PPP2R2B: variants seen among roughly 807,000 people sequenced by gnomAD.
PPP2R2B encodes serine/threonine-protein phosphatase 2A 55 kDa regulatory subunit B beta isoform.
Under a neutral mutation model 46.0 loss-of-function variants are expected in PPP2R2B, and 5 were observed. That is an observed-to-expected ratio of 0.11 (90% CI 0.06 to 0.23). The LOEUF is 0.23. Among genes scored for constraint, PPP2R2B ranks in the 10% least tolerant of loss-of-function variants. PPP2R2B has a pLI of 1.00. For missense variants in PPP2R2B, 367 were observed against 575.0 expected (o/e 0.64, Z 3.70); for synonymous variants, 215 against 206.7 (o/e 1.04, Z -0.34).
At position 146,627,933 on chromosome 5, in the gene PPP2R2B, C is replaced by T. The variant is rs542779341; in HGVS notation, c.790+10318G>A. Reference sequence around the variant, plus strand: ...CTGTTTCTCCAATGACTACACTGTTCACAGAAACATCTCAGATTTTTTTTT... The same window carrying T: ...CTGTTTCTCCAATGACTACACTGTTTACAGAAACATCTCAGATTTTTTTTT... On this transcript the variant is annotated intron_variant, in intron 7 of 9. Coordinates refer to ENST00000394411, the MANE Select transcript of PPP2R2B (RefSeq NM_181675.4). 1.4e-4 allele frequency among the ~76,000 whole-genome samples: 21 copies of T among 152,108 alleles called. No individual in the cohort carries two copies. The South Asian group carries it at 4.2e-3, about 30-fold the overall frequency.
At chr5:147,054,583 C>T (rs720305) in intron 1 of PPP2R2B, 114,394 of 455,792 alleles carry the variant, frequency 0.25, 17,971 homozygotes, top group African/African-American at 0.54. Context: ...CCTGAAGGTA[C>T]GGATAAAAAA....
At chr5:146,985,105 A>G (rs1294809220) in intron 1 of PPP2R2B, among the ~76,000 whole-genome samples, 2 of 135,498 alleles carry the variant, frequency 1.5e-5, no homozygotes, top group Non-Finnish European at 1.5e-5. Flanking sequence ...ACTGCAACCT[A>G]TGCCTCCCAG....
chr5:146,808,262 A>C (rs938451940), intron 2 of PPP2R2B, among the ~76,000 whole-genome samples: 1 of 152,198 alleles, frequency 6.6e-6, no homozygotes, highest in African/African-American at 2.4e-5. Context: ...TCTTATTTGC[A>C]CTAGATGACA....
At chr5:146,883,826 G>T (rs751966886) in intron 1 of PPP2R2B, among the ~76,000 whole-genome samples, 1 of 152,212 alleles carries the variant, frequency 6.6e-6, no homozygotes. Flanking sequence ...TGCCCTCAAA[G>T]TGTTGTATTA....
Position 146,698,014 on chromosome 5 carries a change from T to G in PPP2R2B, c.299A>C (p.Gln100Pro). The G allele has an allele frequency of 1.2e-6, 2 of 1,613,504 alleles. No individual in the cohort carries two copies. The highest frequency in any genetic ancestry group is 1.7e-6 in the Non-Finnish European group (2 of 1,179,768). The change falls in exon 4 of 10, where the codon CAG becomes CCG. Residue 100 changes from glutamine to proline, a missense_variant. Transcript: ENST00000394411. ...CAGAAGAAAGTAAGCTGCATTCTGC[T>G]GGGGGAGCCATCTTATTTTATTGAT... is the stretch of plus-strand genomic sequence containing the variant. ...EKINKIRWLP[Q>P]QNAAYFLLST...
At chr5:146,622,020 C>T (rs930384998) in intron 7 of PPP2R2B, among the ~76,000 whole-genome samples, 1 of 152,152 alleles carries the variant, frequency 6.6e-6, no homozygotes, top group Non-Finnish European at 1.5e-5. Context: ...GCAGACTCTA[C>T]CAGAAAAATA....
chr5:146,585,259 T>TACACACACACACACACACAC lies in PPP2R2B; in HGVS notation c.*4668_*4687dup, dbSNP rs6149281. 4.6e-5 allele frequency: 6 copies of TACACACACACACACACACAC among 129,954 alleles called. No homozygotes were observed. The highest frequency in any genetic ancestry group is 2.7e-4 in the South Asian group (1 of 3,746). 8.1% of individuals were successfully genotyped at this position (129,954 alleles called of 1,614,324 possible). On this transcript the variant is annotated 3_prime_UTR_variant, in exon 10 of 10. Coordinates refer to ENST00000394411, the MANE Select transcript of PPP2R2B (RefSeq NM_181675.4). ...GATCAGTAACTTCCATCTACATGCA[T>TACACACACACACACACACAC]ACACACACACACACACACACACACA... is the stretch of plus-strand genomic sequence containing the variant.
chr5:147,055,723 G>GT lies in PPP2R2B; in HGVS notation c.20dup (p.Tyr7Ter), dbSNP rs765714590. 6.2e-7 allele frequency: 1 copy of GT among 1,613,312 alleles called. No individual in the cohort carries two copies. The highest frequency in any genetic ancestry group is 1.1e-5 in the South Asian group (1 of 90,992). Residue 7 changes from tyrosine to a stop codon, truncating the protein, a stop_gained and frameshift_variant, in exon 1 of 9, where the codon TAC becomes TAAC. Coordinates refer to the PPP2R2B transcript ENST00000336640. LOFTEE classifies it high-confidence loss of function. ...TCGGAGGTCTGAAGATGTAAGGCAG[G>GT]TAACGAGAGAAGCATTTCATCTTCC...
chr5:146,644,687 T>G (rs187731433), intron 6 of PPP2R2B, among the ~76,000 whole-genome samples: 4 of 152,326 alleles, frequency 2.6e-5, no homozygotes, highest in East Asian at 3.8e-4. Flanking sequence ...GAAAGTCATT[T>G]TATCTCTCTG....
At chr5:146,637,702 C>A (rs966755238) in intron 7 of PPP2R2B, among the ~76,000 whole-genome samples, 3 of 152,214 alleles carry the variant, frequency 2.0e-5, no homozygotes, top group Non-Finnish European at 2.9e-5. Context: ...TAGTCACAAT[C>A]TCTCCAAGAA....
chr5:146,689,691 GACTCAACAATAAT>G (rs1778722288), intron 5 of PPP2R2B, among the ~76,000 whole-genome samples: 1 of 152,190 alleles, frequency 6.6e-6, no homozygotes, highest in African/African-American at 2.4e-5. Flanking sequence ...AGGCTGGACT[GACTCAACAATAAT>G]ACTCTTCACT....
chr5:146,706,629 G>C (rs953968918), intron 2 of PPP2R2B: 2 of 808,882 alleles, frequency 2.5e-6, no homozygotes, highest in Admixed American at 1.8e-5. Flanking sequence ...TGCGATGCCG[G>C]CCTCCAGGGA....
intron 2 of PPP2R2B, among the ~76,000 whole-genome samples, chr5:146,862,238 C>T (rs1282755692): frequency 6.6e-6 from 1 of 152,180 alleles, no homozygotes; most frequent in Non-Finnish European, 1.5e-5. Flanking sequence ...ACTGGCTGCT[C>T]TCCTAACTAC....
chr5:146,614,091 C>T lies in PPP2R2B; in HGVS notation c.791-13631G>A, dbSNP rs1473696295. 5.8e-5 allele frequency among the ~76,000 whole-genome samples: 5 copies of T among 85,740 alleles called. No individual in the cohort carries two copies. In the Admixed American group the frequency reaches 6.3e-4, roughly 11 times the overall value. The allele number at this position is 85,740 out of a possible 152,430, so 56.2% of individuals were successfully genotyped here. A position where few individuals can be genotyped will look rare whatever the true frequency, so the allele number is the denominator to read the frequency against. ...AAGCTGGAGGCATCACACTACCTGA[C>T]TTCAAACTATACTACAAGGCTACAG... On this transcript the variant is annotated intron_variant, in intron 7 of 9. Transcript: ENST00000394411.
chr5:146,828,564 T>C (rs528275869), intron 2 of PPP2R2B, among the ~76,000 whole-genome samples: 1 of 152,334 alleles, frequency 6.6e-6, no homozygotes, highest in South Asian at 2.1e-4. Flanking sequence ...TATTAATAGC[T>C]GCTGGTACAC....
chr5:146,634,386 G>A (rs1192176852), intron 7 of PPP2R2B, among the ~76,000 whole-genome samples: 3 of 152,100 alleles, frequency 2.0e-5, no homozygotes, highest in African/African-American at 7.2e-5. Flanking sequence ...CAAGGCTGGG[G>A]TGCAGTGGGG....
chr5:146,863,376 TCTC>T, intron 2 of PPP2R2B, among the ~76,000 whole-genome samples: 1 of 152,138 alleles, frequency 6.6e-6, no homozygotes, highest in East Asian at 1.9e-4. Flanking sequence ...TGTCATATCT[TCTC>T]CTTTTAAACT....
intron 1 of PPP2R2B, among the ~76,000 whole-genome samples, chr5:147,012,849 T>C (rs1415842243): frequency 6.6e-6 from 1 of 152,056 alleles, no homozygotes; most frequent in Non-Finnish European, 1.5e-5. Flanking sequence ...CCAGTAGTCA[T>C]TCAGGAGCAG....
chr5:146,978,161 A>C (rs1753004535), intron 1 of PPP2R2B, among the ~76,000 whole-genome samples: 1 of 151,970 alleles, frequency 6.6e-6, no homozygotes, highest in Non-Finnish European at 1.5e-5. Flanking sequence ...TTTGTTGGCC[A>C]CTTAAATGTC....
Sources: gnomAD v4.1 joint callset for allele counts (sites outside exome capture counted in the v4.1 genomes callset) on GRCh38, gnomAD v4.1.1 for gene constraint, MANE v1.5 for transcripts, NCBI Gene and HGNC (gene_info 2026-07-23, HGNC 2026-07-21) for gene names.